The following RNF216 variants were observed in gnomAD, a reference collection of about 807,000 sequenced individuals.
RNF216 encodes the protein E3 ubiquitin-protein ligase RNF216.
RNF216 carries 72 observed loss-of-function variants against 110.8 expected under a neutral mutation model. The observed-to-expected ratio is 0.65, with a 90% CI of 0.54 to 0.79. RNF216 has a LOEUF of 0.79. Among genes scored for constraint, RNF216 ranks in the 30% least tolerant of loss-of-function variants. The probability of loss-of-function intolerance (pLI) is 0.00; values close to 1 mark genes in which losing one functional copy is unlikely to be tolerated. For missense variants in RNF216, 1,342 were observed against 1,141.2 expected, an observed-to-expected ratio of 1.18 and a Z score of -2.54; for synonymous variants, 495 against 407.5, an observed-to-expected ratio of 1.21 and a Z score of -2.59.
intron 13 of RNF216, among the ~76,000 whole-genome samples, chr7:5,703,208 T>C (rs1792079360): frequency 6.6e-6 from 1 of 152,238 alleles, no homozygotes; most frequent in African/African-American, 2.4e-5. Flanking sequence ...AATCTTTTTG[T>C]TACCCAGCTA....
chr7:5,682,064 T>A (rs1790686859), intron 13 of RNF216, among the ~76,000 whole-genome samples: 1 of 152,194 alleles, frequency 6.6e-6, no homozygotes, highest in Non-Finnish European at 1.5e-5. Flanking sequence ...GTGGGGATGA[T>A]GGAGAAATGC....
chr7:5,736,800 T>C (rs1030123316), intron 5 of RNF216, among the ~76,000 whole-genome samples: 11 of 151,616 alleles, frequency 7.3e-5, no homozygotes, highest in Non-Finnish European at 8.8e-5. Context: ...GCAGCGTCTC[T>C]GCCCGGCCGC....
chr7:5,745,291 C>T (rs1197555485), intron 3 of RNF216, among the ~76,000 whole-genome samples: 3 of 152,096 alleles, frequency 2.0e-5, no homozygotes, highest in Non-Finnish European at 4.4e-5. Flanking sequence ...ACATTCACTT[C>T]TAAAAAAATT....
chr7:5,683,632 G>A (rs1490904451), intron 13 of RNF216, among the ~76,000 whole-genome samples: 2 of 152,166 alleles, frequency 1.3e-5, no homozygotes, highest in Non-Finnish European at 1.5e-5. Context: ...CCCTTTGAGT[G>A]CACACTTAAC....
At chr7:5,631,800 A>C (rs75177193) in intron 15 of RNF216, among the ~76,000 whole-genome samples, 2,863 of 152,272 alleles carry the variant, frequency 0.019, 39 homozygotes, top group Non-Finnish European at 0.029. Context: ...GAACATTCTG[A>C]TATCTTTTCC....
intron 1 of RNF216, among the ~76,000 whole-genome samples, chr7:5,775,725 C>G (rs1266616500): frequency 6.6e-6 from 1 of 152,012 alleles, no homozygotes; most frequent in South Asian, 2.1e-4. Context: ...AAAAACTAGC[C>G]AGGCGTGGTT....
At chr7:5,751,201 AAG>A (rs1378716436) in intron 3 of RNF216, among the ~76,000 whole-genome samples, 1 of 152,206 alleles carries the variant, frequency 6.6e-6, no homozygotes, top group Admixed American at 6.6e-5. Flanking sequence ...CAACAAAAAA[AAG>A]TGTGATAATG....
intron 11 of RNF216, 30 bp from the exon 12 acceptor site, chr7:5,712,893 A>G (rs759757401): frequency 1.0e-5 from 16 of 1,590,396 alleles, no homozygotes; most frequent in Non-Finnish European, 1.3e-5. Flanking sequence ...CAAAGAAAAA[A>G]AAATCAATAC....
chr7:5,712,206 G>A (rs547839435), intron 12 of RNF216, among the ~76,000 whole-genome samples: 66 of 152,344 alleles, frequency 4.3e-4, no homozygotes, highest in Non-Finnish European at 7.6e-4. Flanking sequence ...CAGTCTGGGC[G>A]CGGTGGCTCA....
At chr7:5,736,231 C>T (rs1794388656) in intron 5 of RNF216, among the ~76,000 whole-genome samples, 1 of 152,222 alleles carries the variant, frequency 6.6e-6, no homozygotes, top group Non-Finnish European at 1.5e-5. Context: ...GATTCTCCTG[C>T]CTCAGCCTGC....
intron 3 of RNF216, among the ~76,000 whole-genome samples, chr7:5,746,024 G>A (rs1299530390): frequency 1.3e-5 from 2 of 152,014 alleles, no homozygotes; most frequent in African/African-American, 4.8e-5. Flanking sequence ...TTTGTCCTTT[G>A]ACAGGTCTGG....
chr7:5,711,527 G>A lies in RNF216; in HGVS notation c.2061+234C>T, dbSNP rs562099995. Among the ~76,000 whole-genome samples the A allele has an allele frequency of 9.2e-5, 14 of 152,314 alleles. No homozygotes were observed. In the East Asian group the frequency reaches 2.5e-3, roughly 27 times the overall value. ...TTATAGTATCTGTCCTAAAGAAGAT[G>A]ATATAAAATAGGAATCCAGAGCTTT... On this transcript the variant is annotated intron_variant, in intron 13 of 16. Transcript: ENST00000389902.
At chr7:5,697,296 T>C (rs927334022) in intron 13 of RNF216, among the ~76,000 whole-genome samples, 1 of 152,236 alleles carries the variant, frequency 6.6e-6, no homozygotes, top group Non-Finnish European at 1.5e-5. Flanking sequence ...ATCCCACTGA[T>C]GGTCAGTTAG....
chr7:5,642,288 C>T (rs2128568264), intron 14 of RNF216, among the ~76,000 whole-genome samples: 1 of 151,756 alleles, frequency 6.6e-6, no homozygotes, highest in South Asian at 2.1e-4. Context: ...TCTCAGCTCA[C>T]TGCAACCTCC....
chr7:5,719,516 G>A (rs1201764436), intron 9 of RNF216, among the ~76,000 whole-genome samples: 2 of 152,224 alleles, frequency 1.3e-5, no homozygotes, highest in African/African-American at 4.8e-5. Context: ...CGGGTTAAGA[G>A]AGACTAACTT....
At chr7:5,701,927 G>C (rs1261144626) in intron 13 of RNF216, among the ~76,000 whole-genome samples, 2 of 152,208 alleles carry the variant, frequency 1.3e-5, no homozygotes, top group Non-Finnish European at 2.9e-5. Flanking sequence ...GTTCGTGACT[G>C]GTCTCCTGAG....
At chr7:5,631,106 C>G (rs532086721) in intron 15 of RNF216, among the ~76,000 whole-genome samples, 48 of 152,132 alleles carry the variant, frequency 3.2e-4, no homozygotes, top group Non-Finnish European at 6.0e-4. Context: ...CTCCTTTCTC[C>G]CCTTACAAGA....
chr7:5,676,347 T>A (rs1357812488), intron 13 of RNF216, among the ~76,000 whole-genome samples: 1 of 152,214 alleles, frequency 6.6e-6, no homozygotes, highest in South Asian at 2.1e-4. Flanking sequence ...TCTCCAGCTA[T>A]ATACCTTATA....
chr7:5,765,123 C>T (rs1178215802), intron 1 of RNF216, among the ~76,000 whole-genome samples: 1 of 149,054 alleles, frequency 6.7e-6, no homozygotes, highest in Non-Finnish European at 1.5e-5. Context: ...CATTCAAAGA[C>T]TAAGAGAGTT....
Sources: allele counts gnomAD v4.1 joint callset (sites outside exome capture counted in the v4.1 genomes callset), GRCh38; gene constraint gnomAD v4.1.1; transcripts MANE v1.5; gene names NCBI Gene and HGNC (gene_info 2026-07-23, HGNC 2026-07-21).